The following AK4 variants were observed in gnomAD, a reference collection of about 807,000 sequenced individuals.
AK4 encodes the protein adenylate kinase 4.
Under a neutral mutation model 24.6 loss-of-function variants are expected in AK4, and 13 were observed. That is an observed-to-expected ratio of 0.53 (90% CI 0.34 to 0.84). AK4 has a LOEUF of 0.84. AK4 is among the 40% of genes least tolerant of loss of function. The pLI, the probability that AK4 is intolerant of heterozygous loss-of-function variation, is 0.01. For synonymous variants in AK4, 88 were observed against 107.0 expected (o/e 0.82, Z 1.10); for missense variants, 192 against 288.2 (o/e 0.67, Z 2.42).
intron 1 of AK4, among the ~76,000 whole-genome samples, chr1:65,171,496 G>A (rs1173649593): frequency 1.3e-5 from 2 of 151,434 alleles, no homozygotes; most frequent in African/African-American, 4.9e-5. Context: ...CAGTAGAGAC[G>A]GGGTTTCACT....
At chr1:65,183,733 T>A (rs139266147) in intron 1 of AK4, among the ~76,000 whole-genome samples, 357 of 151,932 alleles carry the variant, frequency 2.3e-3, no homozygotes, top group African/African-American at 8.3e-3. Flanking sequence ...TCTAAAGAAA[T>A]GTCATCTGCT....
intron 1 of AK4, among the ~76,000 whole-genome samples, chr1:65,157,277 C>T (rs146591198): frequency 1.8e-3 from 278 of 152,246 alleles, no homozygotes; most frequent in African/African-American, 6.6e-3. Flanking sequence ...TTAATCAGTC[C>T]CCTGTTGATT....
Position 65,226,384 on chromosome 1 carries a change from G to A in AK4, c.*207G>A. The A allele has an allele frequency of 1.5e-6, 1 of 662,950 alleles. No homozygotes were observed. The highest frequency in any genetic ancestry group is 2.5e-5 in the South Asian group (1 of 40,226). The allele number at this position is 662,950 out of a possible 1,614,324, so 41.1% of individuals were successfully genotyped here. ...TTCAAAAGGCTGGTCACCTACACAT[G>A]TTTAAGGTGTCTCTGCACATGTCTC... is the stretch of plus-strand genomic sequence containing the variant. On this transcript the variant is annotated 3_prime_UTR_variant, in exon 5 of 5. Coordinates refer to ENST00000327299, the MANE Select transcript of AK4 (RefSeq NM_013410.4).
intron 1 of AK4, among the ~76,000 whole-genome samples, chr1:65,174,882 G>A (rs995042827): frequency 4.6e-5 from 7 of 152,210 alleles, no homozygotes; most frequent in Non-Finnish European, 1.0e-4. Flanking sequence ...GAGATAATAC[G>A]TACAAGGGAG....
At chr1:65,215,919 C>T (rs1288175923) in intron 2 of AK4, among the ~76,000 whole-genome samples, 3 of 152,170 alleles carry the variant, frequency 2.0e-5, no homozygotes, top group African/African-American at 7.2e-5. Flanking sequence ...AGCTCTCAAC[C>T]TCTATCCGAT....
At chr1:65,181,984 T>A (rs1326267478) in intron 1 of AK4, among the ~76,000 whole-genome samples, 3 of 152,098 alleles carry the variant, frequency 2.0e-5, no homozygotes, top group African/African-American at 7.2e-5. Flanking sequence ...GGCGCAGTCA[T>A]AGCTTGCTGC....
chr1:65,206,193 T>A (rs1053426879), intron 2 of AK4, among the ~76,000 whole-genome samples: 2 of 152,210 alleles, frequency 1.3e-5, no homozygotes, highest in African/African-American at 4.8e-5. Flanking sequence ...AAAGCACAGG[T>A]TATATCCATT....
At chr1:65,177,992 C>T (rs1188029876) in intron 1 of AK4, among the ~76,000 whole-genome samples, 1 of 133,072 alleles carries the variant, frequency 7.5e-6, no homozygotes, top group African/African-American at 2.5e-5. Context: ...GAAGGGTTTT[C>T]TGAGTCTTAA....
chr1:65,170,299 C>T (rs918869891), intron 1 of AK4, among the ~76,000 whole-genome samples: 28 of 152,070 alleles, frequency 1.8e-4, no homozygotes, highest in Admixed American at 5.9e-4. Flanking sequence ...ACCCGGGAGA[C>T]GGAGCTTGCA....
intron 2 of AK4, among the ~76,000 whole-genome samples, chr1:65,198,343 C>G (rs1480529429): frequency 6.6e-6 from 1 of 152,198 alleles, no homozygotes; most frequent in Non-Finnish European, 1.5e-5. Flanking sequence ...TGGGATTGTT[C>G]TTCTTGACAT....
At chr1:65,207,229 C>G (rs1169459465) in intron 2 of AK4, among the ~76,000 whole-genome samples, 2 of 152,134 alleles carry the variant, frequency 1.3e-5, no homozygotes, top group African/African-American at 2.4e-5. Context: ...CTCCCTACCT[C>G]CCTTCTTGCC....
intron 1 of AK4, among the ~76,000 whole-genome samples, chr1:65,171,122 A>G (rs1382296637): frequency 8.1e-6 from 1 of 122,942 alleles, no homozygotes; most frequent in Non-Finnish European, 1.7e-5. Flanking sequence ...TGCTTGGCTA[A>G]TTTTTTTTTT....
chr1:65,167,664 A>G (rs1650378377), intron 1 of AK4, among the ~76,000 whole-genome samples: 1 of 152,148 alleles, frequency 6.6e-6, no homozygotes, highest in African/African-American at 2.4e-5. Context: ...CCATTTCTTA[A>G]TGTCTTAGAA....
intron 1 of AK4, among the ~76,000 whole-genome samples, chr1:65,162,295 T>C (rs898241219): frequency 1.3e-5 from 2 of 151,998 alleles, no homozygotes; most frequent in Admixed American, 6.6e-5. Context: ...GAGCCTAATA[T>C]AGGAGTGAAC....
intron 2 of AK4, among the ~76,000 whole-genome samples, chr1:65,211,364 A>G (rs932912524): frequency 3.3e-5 from 5 of 152,282 alleles, no homozygotes; most frequent in Non-Finnish European, 7.3e-5. Flanking sequence ...TCCTGAAGCC[A>G]TACAAGATTT....
intron 1 of AK4, among the ~76,000 whole-genome samples, chr1:65,180,277 G>A (rs1000993130): frequency 9.9e-5 from 15 of 152,212 alleles, no homozygotes; most frequent in Admixed American, 7.8e-4. Flanking sequence ...GTAAAACCCC[G>A]TGTCTACTAA....
intron 1 of AK4, among the ~76,000 whole-genome samples, chr1:65,170,236 C>T (rs565029194): frequency 2.6e-5 from 4 of 152,216 alleles, no homozygotes; most frequent in South Asian, 2.1e-4. Context: ...GGTGCGGTGG[C>T]GGGCGCCTGT....
At chr1:65,193,840 C>T (rs967136091) in intron 2 of AK4, among the ~76,000 whole-genome samples, 1 of 152,236 alleles carries the variant, frequency 6.6e-6, no homozygotes. Flanking sequence ...CATGTTGTGG[C>T]TCACACCTGT....
chr1:65,173,972 C>T (rs904175849), intron 1 of AK4, among the ~76,000 whole-genome samples: 1 of 152,074 alleles, frequency 6.6e-6, no homozygotes, highest in Non-Finnish European at 1.5e-5. Flanking sequence ...ACACCGGTGT[C>T]CTAAAAACCT....
Sources: allele counts gnomAD v4.1 joint callset (sites outside exome capture counted in the v4.1 genomes callset), GRCh38; gene constraint gnomAD v4.1.1; transcripts MANE v1.5; gene names NCBI Gene and HGNC (gene_info 2026-07-23, HGNC 2026-07-21).